Variants in PLA2G2D observed in about 807,000 individuals in gnomAD.
The protein encoded by PLA2G2D is group IID secretory phospholipase A2.
In PLA2G2D, 17 loss-of-function variants were observed where a neutral mutation model predicts 13.9. The observed-to-expected ratio is 1.23, with a 90% CI of 0.84 to 1.84. PLA2G2D has a LOEUF of 1.84. PLA2G2D is among the 40% of genes most tolerant of loss of function. The pLI, the probability that PLA2G2D is intolerant of heterozygous loss-of-function variation, is 0.00. For missense variants in PLA2G2D, 194 were observed against 178.7 expected, an observed-to-expected ratio of 1.09 and a Z score of -0.49; for synonymous variants, 83 against 69.3, an observed-to-expected ratio of 1.20 and a Z score of -0.98.
At chr1:20,117,918 A>C (rs62543911) in intron 1 of PLA2G2D, among the ~76,000 whole-genome samples, 78 of 152,332 alleles carry the variant, frequency 5.1e-4, no homozygotes, top group African/African-American at 1.9e-3. Context: ...GTTGCAACTC[A>C]AAGTGACTGG....
chr1:20,118,251 A>G (rs1215921318), intron 1 of PLA2G2D, among the ~76,000 whole-genome samples: 1 of 152,150 alleles, frequency 6.6e-6, no homozygotes, highest in Non-Finnish European at 1.5e-5. Flanking sequence ...GGGCTCAGAA[A>G]TACATAAACT....
In PLA2G2D at chr1:20,114,040, G is replaced by A. The variant is rs1348775212; in HGVS notation, c.*74C>T. ...CCCCCCGGAGTGTTTGAAAAGCCAG[G>A]CTGGTTCAGGTTAGATACTGAGGTG... On this transcript the variant is annotated 3_prime_UTR_variant, in exon 4 of 4. Transcript: ENST00000375105. 7.0e-7 allele frequency: 1 copy of A among 1,428,570 alleles called. No homozygotes were observed. The highest frequency in any genetic ancestry group is 9.6e-7 in the Non-Finnish European group (1 of 1,039,388). 88.5% of individuals were successfully genotyped at this position (1,428,570 alleles called of 1,614,324 possible).
chr1:20,116,083 T>A (rs2016984016), intron 2 of PLA2G2D, among the ~76,000 whole-genome samples: 2 of 152,032 alleles, frequency 1.3e-5, no homozygotes, highest in South Asian at 4.2e-4. Flanking sequence ...GGGGAGTGAA[T>A]GTGGGCATTG....
Position 20,113,787 on chromosome 1 carries a change from G to A in PLA2G2D, c.*327C>T, listed in dbSNP as rs1360585616. 6.8e-6 allele frequency: 2 copies of A among 292,872 alleles called. No individual in the cohort carries two copies. Among genetic ancestry groups the A allele is most frequent in the Non-Finnish European group, 1.3e-5 (2 of 156,602 alleles). 18.1% of individuals were successfully genotyped at this position (292,872 alleles called of 1,614,324 possible). A position where few individuals can be genotyped will look rare whatever the true frequency, so the allele number is the denominator to read the frequency against. ...GTAGCTCCGAGACTATATTGGAGGGGGTGAGGAAGGACAAGGGGGCCAGCA... is the reference window on the plus strand; with the variant it reads ...GTAGCTCCGAGACTATATTGGAGGGAGTGAGGAAGGACAAGGGGGCCAGCA... On this transcript the variant is annotated 3_prime_UTR_variant, in exon 4 of 4. Transcript: ENST00000375105.
intron 1 of PLA2G2D, among the ~76,000 whole-genome samples, chr1:20,116,723 G>A (rs966359140): frequency 6.6e-6 from 1 of 152,130 alleles, no homozygotes; most frequent in African/African-American, 2.4e-5. Flanking sequence ...GAATGCAGTG[G>A]CATGATCTCG....
At position 20,115,356 on chromosome 1, in the gene PLA2G2D, A is replaced by C; in HGVS notation, c.292+151T>G. 4.7e-6 allele frequency: 3 copies of C among 642,800 alleles called. No homozygotes were observed. In the South Asian group the frequency reaches 5.4e-5, roughly 12 times the overall value. 39.8% of individuals were successfully genotyped at this position (642,800 alleles called of 1,614,324 possible). On this transcript the variant is annotated intron_variant, in intron 3 of 3. Coordinates refer to ENST00000375105, the MANE Select transcript of PLA2G2D (RefSeq NM_012400.4). The stretch of plus-strand genomic sequence containing the variant: ...CCATGGGTCCTCTCCATACCCCCAT[A>C]CCCATTCTTGCCTCTTCACAGCCCA...
rs762227237 is a variant in PLA2G2D, at chr1:20,114,115, T to C, written c.437A>G (p.Ter146TrpextTer21). ...GAACAGGGTAGAGGGTGTGGGCTTC[T>C]AGCACCCAGGGGTCTGCCCCCGGCA... ...PHCRGQTPGC* is the reference protein window; with the variant it reads ...PHCRGQTPGCW Residue 146 changes from the stop codon to tryptophan (W), a stop_lost, in exon 4 of 4, where the codon TAG (stop) becomes TGG (tryptophan). Transcript: ENST00000375105. 1 of 1,612,598 alleles carries C rather than the reference T, an allele frequency of 6.2e-7. No homozygotes were observed. The highest frequency in any genetic ancestry group is 8.5e-7 in the Non-Finnish European group (1 of 1,179,712).
chr1:20,112,453 G>A lies in PLA2G2D; in HGVS notation c.*1661C>T, dbSNP rs959695609. 6 of 152,248 alleles carry A rather than the reference G, an allele frequency of 3.9e-5. No individual in the cohort carries two copies. The highest frequency in any genetic ancestry group is 1.4e-4 in the African/African-American group (6 of 41,540). 9.4% of individuals were successfully genotyped at this position (152,248 alleles called of 1,614,324 possible). ...TCATTCCTATGACACCACTTCACAT[G>A]AGTCACCACATCTCAGAACTGCTCA... On this transcript the variant is annotated 3_prime_UTR_variant, in exon 4 of 4. Transcript: ENST00000375105.
At chr1:20,115,145 C>G (rs1316945591) in intron 3 of PLA2G2D, among the ~76,000 whole-genome samples, 1 of 152,166 alleles carries the variant, frequency 6.6e-6, no homozygotes, top group Non-Finnish European at 1.5e-5. Flanking sequence ...CAATCAGTAG[C>G]TCTGTGTAAT....
At position 20,114,184 on chromosome 1, in the gene PLA2G2D, A is replaced by T; in HGVS notation, c.368T>A (p.Leu123Gln). 6.2e-7 allele frequency: 1 copy of T among 1,614,004 alleles called. No individual in the cohort carries two copies. The highest frequency in any genetic ancestry group is 1.7e-4 in the Middle Eastern group (1 of 6,002). ...ACGCAGTCGCTTCTGGTAGGTGTCC[A>T]GGTTGCGCTTCAGGCAGAAGGCCAC... is the stretch of plus-strand genomic sequence containing the variant. ...KEVAFCLKRN[L>Q]DTYQKRLRFY... The change falls in exon 4 of 4, where the codon CTG (leucine) becomes CAG (glutamine). Residue 123 changes from leucine to glutamine, a missense_variant. Coordinates refer to ENST00000375105, the MANE Select transcript of PLA2G2D (RefSeq NM_012400.4).
At chr1:20,117,248 A>G (rs1048478020) in intron 1 of PLA2G2D, among the ~76,000 whole-genome samples, 11 of 152,180 alleles carry the variant, frequency 7.2e-5, no homozygotes, top group African/African-American at 2.7e-4. Context: ...TTTGAGGCTC[A>G]GTAACTTGCT....
Position 20,112,732 on chromosome 1 carries a change from C to G in PLA2G2D, c.*1382G>C, listed in dbSNP as rs1241649696. ...AGGAAAACTGGATAGGCCAAGGGGTCAGACCAAGCAGAGAGGTGGTTCCAG... is the reference window on the plus strand; with the variant it reads ...AGGAAAACTGGATAGGCCAAGGGGTGAGACCAAGCAGAGAGGTGGTTCCAG... On this transcript the variant is annotated 3_prime_UTR_variant, in exon 4 of 4. Transcript: ENST00000375105. 2 of 152,166 alleles carry G rather than the reference C, an allele frequency of 1.3e-5. No homozygotes were observed. The highest frequency in any genetic ancestry group is 2.9e-5 in the Non-Finnish European group (2 of 68,074). 9.4% of individuals were successfully genotyped at this position (152,166 alleles called of 1,614,324 possible).
rs374737231 is a variant in PLA2G2D at position 20,119,446 on chromosome 1, G to A, written c.40+13C>T. On this transcript the variant is annotated intron_variant, in intron 1 of 3. Transcript: ENST00000375105. ...TCCTTCCCTTCCCAGCCTGGGTCCC[G>A]TCCCCGACTCACCAGCCATCACCAC... The A allele has an allele frequency of 6.5e-5, 104 of 1,611,496 alleles. No homozygotes were observed. Among genetic ancestry groups the A allele is most frequent in the Middle Eastern group, 3.3e-4 (2 of 6,052 alleles).
Position 20,119,476 on chromosome 1 carries a change from C to A in PLA2G2D, c.23G>T (p.Gly8Val). Residue 8 changes from glycine (G) to valine (V), a missense_variant, in exon 1 of 4, where the codon GGG becomes GTG. Transcript: ENST00000375105. MELALLC[G>V]LVVMAGVIPI... ...CGACTCACCAGCCATCACCACCAGC[C>A]CACACAGCAGTGCAAGTTCCATGAT... 6.2e-7 allele frequency: 1 copy of A among 1,613,922 alleles called. No individual in the cohort carries two copies. Among genetic ancestry groups the A allele is most frequent in the Non-Finnish European group, 8.5e-7 (1 of 1,179,892 alleles).
chr1:20,116,595 A>T (rs62541868), intron 1 of PLA2G2D, 118 bp from the exon 2 acceptor site: 1 of 877,324 alleles, frequency 1.1e-6, no homozygotes, highest in Non-Finnish European at 1.8e-6. Context: ...AGATGATGAT[A>T]ATAATAAAAC....
intron 1 of PLA2G2D, 110 bp downstream of exon 1, chr1:20,119,349 G>T: frequency 3.1e-6 from 3 of 967,066 alleles, no homozygotes; most frequent in Admixed American, 1.7e-5. Context: ...GGGAGTGGGG[G>T]CCAGGCTCCT....
chr1:20,118,117 A>G (rs2017025472), intron 1 of PLA2G2D, among the ~76,000 whole-genome samples: 1 of 152,186 alleles, frequency 6.6e-6, no homozygotes, highest in African/African-American at 2.4e-5. Context: ...TTCCATGATA[A>G]GGAACCCAAC....
At chr1:20,115,846 T>A (rs1054715793) in intron 2 of PLA2G2D, among the ~76,000 whole-genome samples, 4 of 152,144 alleles carry the variant, frequency 2.6e-5, no homozygotes, top group Non-Finnish European at 4.4e-5. Flanking sequence ...GGGATGGAGG[T>A]ACTCATATTA....
intron 3 of PLA2G2D, 53 bp downstream of exon 3, chr1:20,115,454 C>T: frequency 1.9e-6 from 2 of 1,027,688 alleles, no homozygotes; most frequent in Non-Finnish European, 3.1e-6. Context: ...CAGTGGGGGC[C>T]AGATCTCCCT....
Sources: allele counts gnomAD v4.1 joint callset (sites outside exome capture counted in the v4.1 genomes callset), GRCh38; gene constraint gnomAD v4.1.1; transcripts MANE v1.5; gene names NCBI Gene and HGNC (gene_info 2026-07-23, HGNC 2026-07-21).